Variants in FSCN2 observed in about 807,000 individuals in gnomAD.
FSCN2 encodes fascin actin-bundling protein 2, retinal.
FSCN2 carries 46 observed loss-of-function variants against 37.8 expected under a neutral mutation model. The ratio of observed to expected loss-of-function variants is 1.22; its 90% CI spans 0.96 to 1.56. The LOEUF is 1.56. Ranked by LOEUF, FSCN2 falls within the 40% of genes most tolerant of loss-of-function variation. The probability of loss-of-function intolerance (pLI) is 0.00; values close to 1 mark genes in which losing one functional copy is unlikely to be tolerated. For synonymous variants in FSCN2, 351 were observed against 309.4 expected (o/e 1.13, Z -1.41); for missense variants, 844 against 730.4 (o/e 1.16, Z -1.79).
the FSCN2 span, among the ~76,000 whole-genome samples, chr17:81,522,855 G>A: frequency 9.9e-5 from 15 of 152,206 alleles, no homozygotes; most frequent in Non-Finnish European, 2.9e-5. Context: ...GGGCTCATGG[G>A]ATTTTCATGA....
chr17:81,528,150 G>C (rs1408463484), upstream of FSCN2, among the ~76,000 whole-genome samples: 1 of 152,214 alleles, frequency 6.6e-6, no homozygotes, highest in Non-Finnish European at 1.5e-5. Flanking sequence ...GTGAAGAGGG[G>C]CGCTGGGCCC....
At chr17:81,526,736 C>G (rs1265011917), upstream of FSCN2, among the ~76,000 whole-genome samples, 1 of 152,244 alleles carries the variant, frequency 6.6e-6, no homozygotes, top group Non-Finnish European at 1.5e-5. Flanking sequence ...AGGCCTGTGT[C>G]CTCAGTCCCC....
chr17:81,516,833 C>T, the FSCN2 span, among the ~76,000 whole-genome samples: 1 of 152,258 alleles, frequency 6.6e-6, no homozygotes, highest in Non-Finnish European at 1.5e-5. Flanking sequence ...GTCCCAGGAC[C>T]AGGTCTCTGC....
the FSCN2 span, among the ~76,000 whole-genome samples, chr17:81,523,251 C>A: frequency 6.6e-6 from 1 of 152,180 alleles, no homozygotes; most frequent in Non-Finnish European, 1.5e-5. Context: ...TCGGAGCAGG[C>A]AGGCAGCCAC....
the FSCN2 span, among the ~76,000 whole-genome samples, chr17:81,515,354 T>G: frequency 6.6e-6 from 1 of 151,848 alleles, no homozygotes; most frequent in African/African-American, 2.4e-5. Flanking sequence ...GAGCTGGGGG[T>G]AGCTGGGCGG....
intron 1 of FSCN2, among the ~76,000 whole-genome samples, chr17:81,531,885 ATGGCGATGATGG>A (rs2032648450): frequency 7.6e-6 from 1 of 130,730 alleles, no homozygotes; most frequent in African/African-American, 2.9e-5. Flanking sequence ...GATGATGGTG[ATGGCGATGATGG>A]TGATAGTGAT....
chr17:81,531,065 C>A (rs995712605), intron 1 of FSCN2, among the ~76,000 whole-genome samples: 3 of 152,224 alleles, frequency 2.0e-5, no homozygotes, highest in Admixed American at 1.3e-4. Context: ...ATGGCCGTGG[C>A]CGTGGCATTG....
At position 81,536,673 on chromosome 17, in the gene FSCN2, T is replaced by C. The variant is rs751130618; in HGVS notation, c.1157T>C (p.Leu386Pro). 6.2e-7 allele frequency: 1 copy of C among 1,611,298 alleles called. No individual in the cohort carries two copies. Among genetic ancestry groups the C allele is most frequent in the East Asian group, 2.2e-5 (1 of 44,874 alleles). ...CTCATCAACCGGCCCATCCTGGTGC[T>C]GCGCGGCCTGGACGGCTTCGTCTGC... ...LKLINRPILV[L>P]RGLDGFVCHH... Residue 386 changes from leucine to proline, a missense_variant, in exon 4 of 5, where the codon CTG (leucine) becomes CCG (proline). Leu to Pro is a moderately conservative substitution (Grantham distance 98, BLOSUM62 -3). Coordinates refer to ENST00000417245, the MANE Select transcript of FSCN2 (RefSeq NM_012418.4).
chr17:81,525,767 A>G (rs2032333243), upstream of FSCN2, among the ~76,000 whole-genome samples: 1 of 152,196 alleles, frequency 6.6e-6, no homozygotes, highest in Non-Finnish European at 1.5e-5. Flanking sequence ...CCCGACATCC[A>G]ACAATCTCAG....
chr17:81,536,256 G>C lies in FSCN2; in HGVS notation c.1094G>C (p.Ser365Thr). The C allele has an allele frequency of 1.3e-6, 2 of 1,599,624 alleles. No individual in the cohort carries two copies. Among genetic ancestry groups the C allele is most frequent in the Non-Finnish European group, 8.5e-7 (1 of 1,174,052 alleles). The change falls in exon 3 of 5, where the codon AGC (serine) becomes ACC (threonine). Residue 365 changes from serine to threonine, a missense_variant. Transcript: ENST00000417245. ...AAGAATGGGCAGCTGGCGGCTATCA[G>C]CGATTTTGTCGGTGAGCACTCTGCC... ...MKKNGQLAAISDFVGKDEEFT... is the reference protein window; with the variant it reads ...MKKNGQLAAITDFVGKDEEFT...
chr17:81,517,985 C>T, the FSCN2 span, among the ~76,000 whole-genome samples: 13 of 152,242 alleles, frequency 8.5e-5, no homozygotes, highest in Non-Finnish European at 1.3e-4. Flanking sequence ...CCTGGCAGTG[C>T]GCGTCCTGCA....
At chr17:81,527,991 G>A (rs1459469329), upstream of FSCN2, among the ~76,000 whole-genome samples, 2 of 152,114 alleles carry the variant, frequency 1.3e-5, no homozygotes, top group Non-Finnish European at 2.9e-5. Context: ...GGCCACCGAG[G>A]GTACGGGCGG....
the FSCN2 span, among the ~76,000 whole-genome samples, chr17:81,516,378 G>A: frequency 6.6e-6 from 1 of 152,188 alleles, no homozygotes; most frequent in African/African-American, 2.4e-5. Context: ...TAAGTTTAAA[G>A]TTCTCCCATA....
intron 1 of FSCN2, among the ~76,000 whole-genome samples, chr17:81,534,273 G>A (rs1226514058): frequency 1.3e-5 from 2 of 148,678 alleles, no homozygotes; most frequent in Non-Finnish European, 2.9e-5. Flanking sequence ...CTCAGGCCCT[G>A]TGGGGGCTCT....
At chr17:81,531,694 T>G (rs2032620751) in intron 1 of FSCN2, among the ~76,000 whole-genome samples, 1 of 124,924 alleles carries the variant, frequency 8.0e-6, no homozygotes, top group South Asian at 2.7e-4. Context: ...GTGATGATGG[T>G]GATGGTGATG....
the FSCN2 span, among the ~76,000 whole-genome samples, chr17:81,518,346 TGCCCCTGTACCTGGCATA>T: frequency 0.2 from 29,311 of 146,190 alleles, 3,179 homozygotes; most frequent in Middle Eastern, 0.3. Context: ...GTGAAGCTGG[TGCCCCTGTACCTGGCATA>T]GCCCCTGTAC....
At position 81,528,536 on chromosome 17, in the gene FSCN2, C is replaced by T. The variant is rs538029653; in HGVS notation, c.5C>T (p.Pro2Leu). 5.3e-5 allele frequency: 85 copies of T among 1,590,084 alleles called. No individual in the cohort carries two copies. The highest frequency in any genetic ancestry group is 2.4e-4 in the Admixed American group (14 of 57,236). MPTNGLHQVLKI... is the reference protein window; with the variant it reads MLTNGLHQVLKI... ...GGGGACCCGGCCAGCCTGAAGATGC[C>T]GACGAACGGCCTGCACCAGGTGCTG... The change falls in exon 1 of 5, where the codon CCG becomes CTG. Residue 2 changes from proline (P) to leucine (L), a missense_variant. Physicochemically the swap from Pro to Leu is moderately conservative, Grantham distance 98. Transcript: ENST00000417245.
In FSCN2 at chr17:81,536,667, T is replaced by C; in HGVS notation, c.1151T>C (p.Leu384Pro). 6.2e-7 allele frequency: 1 copy of C among 1,611,280 alleles called. No individual in the cohort carries two copies. The highest frequency in any genetic ancestry group is 8.5e-7 in the Non-Finnish European group (1 of 1,179,576). Residue 384 changes from leucine (L) to proline (P), a missense_variant, in exon 4 of 5, where the codon CTG becomes CCG. Coordinates refer to ENST00000417245, the MANE Select transcript of FSCN2 (RefSeq NM_012418.4). ...CTCAAGCTCATCAACCGGCCCATCC[T>C]GGTGCTGCGCGGCCTGGACGGCTTC... ...FTLKLINRPI[L>P]VLRGLDGFVC...
chr17:81,531,828 GTGGTGGTGA>G lies in FSCN2; in HGVS notation c.826+2486_826+2494del, dbSNP rs1454278194. ...GGTGATGATGGTGGTGGTGATGGTGGTGGTGGTGATGGTGGTGATGGTGATGGTGGTGAT... is the reference window on the plus strand; with the variant it reads ...GGTGATGATGGTGGTGGTGATGGTGGTGGTGGTGATGGTGATGGTGGTGAT... On this transcript the variant is annotated intron_variant, in intron 1 of 4. Coordinates refer to ENST00000417245, the MANE Select transcript of FSCN2 (RefSeq NM_012418.4). 4.6e-3 allele frequency among the ~76,000 whole-genome samples: 509 copies of G among 109,818 alleles called. 12 individuals are homozygous for G. The highest frequency in any genetic ancestry group is 0.011 in the African/African-American group (280 of 24,616). 72.0% of individuals were successfully genotyped at this position (109,818 alleles called of 152,430 possible). A position where few individuals can be genotyped will look rare whatever the true frequency, so the allele number is the denominator to read the frequency against.
Sources: gnomAD v4.1 joint callset for allele counts (sites outside exome capture counted in the v4.1 genomes callset) on GRCh38, gnomAD v4.1.1 for gene constraint, MANE v1.5 for transcripts, NCBI Gene and HGNC (gene_info 2026-07-23, HGNC 2026-07-21) for gene names.